The following LIN54 variants were observed in gnomAD, a reference collection of about 807,000 sequenced individuals.
The protein encoded by LIN54 is lin-54 DREAM MuvB core complex component, also known as protein lin-54 homolog.
In LIN54, 9 loss-of-function variants were observed where a neutral mutation model predicts 78.7. The observed-to-expected ratio is 0.11, with a 90% confidence interval of 0.07 to 0.20. The LOEUF (loss-of-function observed/expected upper bound fraction) is 0.20. Ranked by LOEUF, LIN54 falls within the 10% of genes least tolerant of loss-of-function variation. LIN54 has a pLI of 1.00. For synonymous variants in LIN54, 269 were observed against 318.4 expected, an observed-to-expected ratio of 0.84 and a Z score of 1.65; for missense variants, 573 against 889.9, an observed-to-expected ratio of 0.64 and a Z score of 4.53.
intron 5 of LIN54, among the ~76,000 whole-genome samples, chr4:82,940,339 T>G (rs1722745850): frequency 6.6e-6 from 1 of 151,746 alleles, no homozygotes; most frequent in Non-Finnish European, 1.5e-5. Context: ...CACTCTATAC[T>G]ACTATTTCTC....
At chr4:82,951,108 T>C (rs1723807983) in intron 4 of LIN54, among the ~76,000 whole-genome samples, 2 of 152,150 alleles carry the variant, frequency 1.3e-5, no homozygotes, top group South Asian at 4.1e-4. Context: ...TTGTAGGTTA[T>C]TAAAATAAAT....
chr4:83,004,524 T>C (rs1224619316), intron 1 of LIN54, among the ~76,000 whole-genome samples: 1 of 144,094 alleles, frequency 6.9e-6, no homozygotes, highest in Admixed American at 6.7e-5. Flanking sequence ...AGTGTCTTGC[T>C]CTGTCGTCAG....
intron 1 of LIN54, among the ~76,000 whole-genome samples, chr4:83,010,106 G>A (rs901028413): frequency 6.6e-6 from 1 of 152,080 alleles, no homozygotes; most frequent in African/African-American, 2.4e-5. Context: ...TTACAGACTA[G>A]GATCTAAGAC....
At chr4:82,952,701 AAAC>A (rs1185903003) in intron 4 of LIN54, among the ~76,000 whole-genome samples, 3 of 152,220 alleles carry the variant, frequency 2.0e-5, no homozygotes, top group African/African-American at 7.2e-5. Flanking sequence ...CAAAAGGTGG[AAAC>A]AACTCAAGTG....
chr4:82,936,353 A>G lies in LIN54; in HGVS notation c.1633T>C (p.Phe545Leu). Residue 545 changes from phenylalanine to leucine, a missense_variant, in exon 10 of 13, where the codon TTT (phenylalanine) becomes CTT (leucine). This residue lies in a region of LIN54 where 101 missense variants were observed against 194.2 expected (regional missense o/e 0.52). Coordinates refer to ENST00000340417, the MANE Select transcript of LIN54 (RefSeq NM_194282.4). Reference protein sequence around the residue: ...LYCDCFANGEFCNNCNCTNCY... With the variant: ...LYCDCFANGELCNNCNCTNCY... ...TTAGTACAATTGCAGTTGTTGCAAAATTCACCATTTGCAAAGCAATCACAA... is the reference window on the plus strand; with the variant it reads ...TTAGTACAATTGCAGTTGTTGCAAAGTTCACCATTTGCAAAGCAATCACAA... 1 of 1,574,400 alleles carries G rather than the reference A, an allele frequency of 6.4e-7. No individual in the cohort carries two copies. Among genetic ancestry groups the G allele is most frequent in the Non-Finnish European group, 8.7e-7 (1 of 1,155,562 alleles).
chr4:82,932,945 T>C (rs1722091111), intron 11 of LIN54, among the ~76,000 whole-genome samples: 1 of 152,134 alleles, frequency 6.6e-6, no homozygotes. Context: ...AGCTGTGTTT[T>C]CTTCAATGAA....
At chr4:82,974,277 G>C (rs1387757546) in intron 3 of LIN54, among the ~76,000 whole-genome samples, 1 of 152,016 alleles carries the variant, frequency 6.6e-6, no homozygotes, top group Non-Finnish European at 1.5e-5. Flanking sequence ...GGTGGGGACA[G>C]AGGAGAAAGA....
intron 4 of LIN54, among the ~76,000 whole-genome samples, chr4:82,958,348 G>A (rs906363460): frequency 1.3e-5 from 2 of 152,142 alleles, no homozygotes; most frequent in Non-Finnish European, 2.9e-5. Context: ...CTCCCTTACA[G>A]TAAGGAGGGC....
intron 1 of LIN54, among the ~76,000 whole-genome samples, chr4:82,994,189 A>G (rs1416353434): frequency 6.6e-6 from 1 of 152,072 alleles, no homozygotes; most frequent in African/African-American, 2.4e-5. Context: ...TTGTGATTTT[A>G]CCTGACACAT....
intron 3 of LIN54, among the ~76,000 whole-genome samples, chr4:82,975,312 G>C (rs1049236278): frequency 2.0e-5 from 3 of 151,690 alleles, no homozygotes; most frequent in African/African-American, 4.9e-5. Flanking sequence ...CTCCAGCCTG[G>C]GTGACAGAGT....
chr4:82,943,363 A>C (rs1723095644), intron 5 of LIN54, among the ~76,000 whole-genome samples: 1 of 152,150 alleles, frequency 6.6e-6, no homozygotes, highest in Admixed American at 6.6e-5. Flanking sequence ...ACCAACGATT[A>C]ACATGGTGGA....
rs917613591 is a variant in LIN54 at position 82,927,305 on chromosome 4, G to A, written c.*797C>T. The A allele has an allele frequency of 5.9e-5, 9 of 152,056 alleles. No homozygotes were observed. The highest frequency in any genetic ancestry group is 2.2e-4 in the African/African-American group (9 of 41,390). 9.4% of individuals were successfully genotyped at this position (152,056 alleles called of 1,614,324 possible). Reference sequence around the variant, plus strand: ...AGGTTCTATATTATCACTACATAATGTTTACTTCCATTTATATCCACCTAT... The same window carrying A: ...AGGTTCTATATTATCACTACATAATATTTACTTCCATTTATATCCACCTAT... On this transcript the variant is annotated 3_prime_UTR_variant, in exon 13 of 13. Transcript: ENST00000340417.
At chr4:82,955,577 G>GA (rs1477869823) in intron 4 of LIN54, among the ~76,000 whole-genome samples, 1 of 151,834 alleles carries the variant, frequency 6.6e-6, no homozygotes, top group South Asian at 2.1e-4. Context: ...CAAACGTAGT[G>GA]AAAAAAATAT....
At chr4:82,941,557 A>G (rs940021116) in intron 5 of LIN54, among the ~76,000 whole-genome samples, 2 of 152,188 alleles carry the variant, frequency 1.3e-5, no homozygotes, top group African/African-American at 4.8e-5. Flanking sequence ...AGAAAAATTA[A>G]TTGTATTTGG....
At chr4:82,953,555 G>C (rs1268253647) in intron 4 of LIN54, among the ~76,000 whole-genome samples, 2 of 151,918 alleles carry the variant, frequency 1.3e-5, no homozygotes, top group Non-Finnish European at 2.9e-5. Context: ...TTAAGGCCAG[G>C]TGTTTAAGAC....
At chr4:82,960,800 A>G (rs1294042198) in intron 4 of LIN54, among the ~76,000 whole-genome samples, 1 of 152,134 alleles carries the variant, frequency 6.6e-6, no homozygotes, top group Admixed American at 6.5e-5. Context: ...TAGCTCATAC[A>G]TGTAATCCCA....
At chr4:82,999,797 G>GAAAAAA (rs1560792522) in intron 1 of LIN54, among the ~76,000 whole-genome samples, 3 of 137,682 alleles carry the variant, frequency 2.2e-5, no homozygotes, top group Admixed American at 7.8e-5. Context: ...AAAAAAAAAG[G>GAAAAAA]CAAGAAAACA....
At chr4:82,933,534 G>A in intron 11 of LIN54, among the ~76,000 whole-genome samples, 1 of 152,128 alleles carries the variant, frequency 6.6e-6, no homozygotes, top group Non-Finnish European at 1.5e-5. Flanking sequence ...GGATTAAAAA[G>A]CCAATTCAGC....
chr4:82,971,272 C>T (rs879196483), intron 3 of LIN54, among the ~76,000 whole-genome samples: 1 of 152,192 alleles, frequency 6.6e-6, no homozygotes, highest in Admixed American at 6.5e-5. Context: ...CTTCCTACCA[C>T]TCCCACCCCA....
Sources: allele counts gnomAD v4.1 joint callset (sites outside exome capture counted in the v4.1 genomes callset), GRCh38; gene constraint gnomAD v4.1.1; regional missense constraint gnomAD v4.1.1; transcripts MANE v1.5; gene names NCBI Gene and HGNC (gene_info 2026-07-23, HGNC 2026-07-21).